Variants in IGSF11 observed in about 807,000 individuals in gnomAD.
IGSF11 encodes the protein CXADR like 1.
IGSF11 carries 22 observed loss-of-function variants against 41.0 expected under a neutral mutation model. That is an observed-to-expected ratio of 0.54 (90% confidence interval 0.38 to 0.77). The LOEUF (loss-of-function observed/expected upper bound fraction) is 0.77, where lower values mean the gene tolerates loss of function less well. Ranked by LOEUF, IGSF11 falls within the 30% of genes least tolerant of loss-of-function variation. IGSF11 has a pLI of 0.00. For missense variants in IGSF11, 444 were observed against 530.8 expected (o/e 0.84, Z 1.61); for synonymous variants, 219 against 201.3 (o/e 1.09, Z -0.74).
intron 1 of IGSF11, among the ~76,000 whole-genome samples, chr3:118,948,781 C>CGG (rs1944351468): frequency 6.6e-6 from 1 of 151,750 alleles, no homozygotes; most frequent in African/African-American, 2.4e-5. Flanking sequence ...CTGGCTAAAA[C>CGG]GGTGAGACCC....
intron 1 of IGSF11, among the ~76,000 whole-genome samples, chr3:119,044,131 T>G (rs545875268): frequency 1.3e-5 from 2 of 151,730 alleles, no homozygotes; most frequent in Non-Finnish European, 2.9e-5. Context: ...AAGAGAAAGG[T>G]GAAAAACAAC....
At chr3:119,051,506 A>C (rs1941625779) in intron 1 of IGSF11, among the ~76,000 whole-genome samples, 1 of 152,204 alleles carries the variant, frequency 6.6e-6, no homozygotes, top group African/African-American at 2.4e-5. Context: ...AAGAAATGAG[A>C]CAGATGGCAA....
chr3:119,112,781 G>T, intron 1 of IGSF11: 1 of 152,504 alleles, frequency 6.6e-6, no homozygotes, highest in Non-Finnish European at 1.5e-5. Flanking sequence ...CCATTCATCT[G>T]TTGATGAACA....
Position 118,902,735 on chromosome 3 carries a change from C to A in IGSF11, c.1081G>T (p.Gly361Trp), listed in dbSNP as rs1398808502. 6.2e-7 allele frequency: 1 copy of A among 1,614,114 alleles called. No homozygotes were observed. Among genetic ancestry groups the A allele is most frequent in the South Asian group, 1.1e-5 (1 of 91,078 alleles). Residue 361 changes from glycine (G) to tryptophan (W), a missense_variant, in exon 7 of 7, where the codon GGG becomes TGG. Gly to Trp is a radical substitution (Grantham distance 184). Around this residue, in one of 3 missense-constraint regions of IGSF11, gnomAD observed 223 missense variants for 226.2 expected, o/e 0.99. Transcript: ENST00000393775. ...NANIPSIYAN[G>W]THLVPGQHKT... ...TGTTGACCCGGGACCAGATGGGTCCCATTAGCATAAATGGATGGTATGTTG... is the reference window on the plus strand; with the variant it reads ...TGTTGACCCGGGACCAGATGGGTCCAATTAGCATAAATGGATGGTATGTTG...
At chr3:118,995,572 T>A (rs551076051) in intron 1 of IGSF11, among the ~76,000 whole-genome samples, 1 of 152,166 alleles carries the variant, frequency 6.6e-6, no homozygotes, top group African/African-American at 2.4e-5. Context: ...ACTGACAGAA[T>A]TTCAAGACTG....
upstream of IGSF11, among the ~76,000 whole-genome samples, chr3:119,039,109 A>G (rs1941018770): frequency 1.3e-5 from 2 of 152,200 alleles, no homozygotes; most frequent in Admixed American, 1.3e-4. Context: ...ATCACTCAGG[A>G]TGAGTCCTTA....
intron 1 of IGSF11, among the ~76,000 whole-genome samples, chr3:118,949,614 T>C (rs983309389): frequency 6.6e-6 from 1 of 152,220 alleles, no homozygotes; most frequent in Non-Finnish European, 1.5e-5. Flanking sequence ...CTAAGCAGTT[T>C]CACTTTTGCA....
chr3:118,913,828 G>C (rs968245986), intron 4 of IGSF11, among the ~76,000 whole-genome samples: 1 of 152,066 alleles, frequency 6.6e-6, no homozygotes, highest in Admixed American at 6.5e-5. Context: ...AAATAAGGTG[G>C]AACAAATATA....
chr3:119,041,998 C>T (rs910166168), intron 1 of IGSF11, among the ~76,000 whole-genome samples: 2 of 152,100 alleles, frequency 1.3e-5, no homozygotes, highest in Non-Finnish European at 2.9e-5. Context: ...AGAAAATAGG[C>T]CAATTTTTCT....
chr3:118,905,565 A>G (rs1204880590), intron 5 of IGSF11, 31 bp downstream of exon 5: 1 of 1,612,700 alleles, frequency 6.2e-7, no homozygotes, highest in Non-Finnish European at 8.5e-7. Flanking sequence ...TTTCAGACCC[A>G]TGGTTGACAT....
chr3:118,983,056 C>T (rs1314032607), intron 1 of IGSF11, among the ~76,000 whole-genome samples: 1 of 152,134 alleles, frequency 6.6e-6, no homozygotes, highest in South Asian at 2.1e-4. Context: ...AAGCACATAG[C>T]CCCAACATAA....
intron 1 of IGSF11, among the ~76,000 whole-genome samples, chr3:118,985,015 A>C (rs542440790): frequency 6.6e-6 from 1 of 152,294 alleles, no homozygotes; most frequent in African/African-American, 2.4e-5. Context: ...TAAGGAATAC[A>C]TCCGGACTTT....
chr3:119,092,248 T>G (rs954405587), intron 1 of IGSF11, among the ~76,000 whole-genome samples: 2 of 152,132 alleles, frequency 1.3e-5, no homozygotes, highest in Non-Finnish European at 2.9e-5. Flanking sequence ...GTAAAAATAT[T>G]ATAGTAAGCT....
At chr3:119,092,431 G>A (rs971032519) in intron 1 of IGSF11, among the ~76,000 whole-genome samples, 1 of 152,044 alleles carries the variant, frequency 6.6e-6, no homozygotes, top group African/African-American at 2.4e-5. Context: ...AGCCTCCCAG[G>A]TTCAAGAGAT....
chr3:118,997,533 C>CT (rs931277055), intron 1 of IGSF11, among the ~76,000 whole-genome samples: 6 of 143,316 alleles, frequency 4.2e-5, no homozygotes, highest in African/African-American at 1.5e-4. Context: ...GCTGCCCCCC[C>CT]CCAGCCACAC....
chr3:119,076,335 T>C (rs142761412), intron 1 of IGSF11, among the ~76,000 whole-genome samples: 2,439 of 152,036 alleles, frequency 0.016, 79 homozygotes, highest in African/African-American at 0.056. Context: ...CAATACCATT[T>C]AGGACATAGG....
chr3:119,107,080 T>C (rs1467171619), upstream of IGSF11, among the ~76,000 whole-genome samples: 1 of 152,228 alleles, frequency 6.6e-6, no homozygotes, highest in Admixed American at 6.5e-5. Flanking sequence ...CAGCATGATT[T>C]ATAGTCCTTT....
intron 1 of IGSF11, among the ~76,000 whole-genome samples, chr3:119,009,138 T>C (rs1202955554): frequency 6.6e-6 from 1 of 152,204 alleles, no homozygotes; most frequent in Admixed American, 6.5e-5. Flanking sequence ...ACACATTCTT[T>C]AGTCTATTTC....
intron 1 of IGSF11, among the ~76,000 whole-genome samples, chr3:119,093,881 C>G (rs1576790809): frequency 6.6e-6 from 1 of 152,052 alleles, no homozygotes; most frequent in Admixed American, 6.6e-5. Flanking sequence ...GATAATTTAT[C>G]ATGAGAAATA....
Sources: gnomAD v4.1 joint callset for allele counts (sites outside exome capture counted in the v4.1 genomes callset) on GRCh38, gnomAD v4.1.1 for gene constraint, gnomAD v4.1.1 regional missense constraint, MANE v1.5 for transcripts, NCBI Gene and HGNC (gene_info 2026-07-23, HGNC 2026-07-21) for gene names.